JAKMIP3: variants seen among roughly 807,000 people sequenced by gnomAD.
JAKMIP3 encodes Janus kinase and microtubule interacting protein 3.
Under a neutral mutation model 118.5 loss-of-function variants are expected in JAKMIP3, and 58 were observed. The observed-to-expected ratio is 0.49, with a 90% CI of 0.40 to 0.61. JAKMIP3 has a LOEUF of 0.61. Among genes scored for constraint, JAKMIP3 ranks in the 20% least tolerant of loss-of-function variants. The probability of loss-of-function intolerance (pLI) is 0.00; values close to 1 mark genes in which losing one functional copy is unlikely to be tolerated. For missense variants in JAKMIP3, 950 were observed against 1,109.0 expected, an observed-to-expected ratio of 0.86 and a Z score of 2.04; for synonymous variants, 486 against 451.2, an observed-to-expected ratio of 1.08 and a Z score of -0.98.
intron 21 of JAKMIP3, among the ~76,000 whole-genome samples, chr10:132,166,290 C>T (rs2058891319): frequency 6.6e-6 from 1 of 152,172 alleles, no homozygotes; most frequent in African/African-American, 2.4e-5. Flanking sequence ...TACGTCACTG[C>T]ACTCCAGACT....
chr10:132,061,191 G>GGC (rs10675025), upstream of JAKMIP3, among the ~76,000 whole-genome samples: 62 of 107,010 alleles, frequency 5.8e-4, 1 homozygote, highest in Middle Eastern at 0.011. Context: ...CTGCCGTGAC[G>GGC]GCGCACACAC....
intron 3 of JAKMIP3, among the ~76,000 whole-genome samples, chr10:132,122,870 A>G (rs2135464346): frequency 6.6e-6 from 1 of 152,282 alleles, no homozygotes; most frequent in African/African-American, 2.4e-5. Flanking sequence ...CTGGGGTTAG[A>G]GCTGCTGCTT....
intron 1 of JAKMIP3, among the ~76,000 whole-genome samples, chr10:132,087,217 C>T (rs2042511608): frequency 6.6e-6 from 1 of 152,200 alleles, no homozygotes; most frequent in Non-Finnish European, 1.5e-5. Context: ...ACGGTTTCTG[C>T]TGAGAAATCT....
chr10:132,158,695 C>T (rs2057379131), intron 19 of JAKMIP3, among the ~76,000 whole-genome samples: 1 of 129,186 alleles, frequency 7.7e-6, no homozygotes. Flanking sequence ...GGGGCATCTT[C>T]CTGTGTGATG....
At chr10:132,037,241 A>G (rs1389618434) in intron 1 of JAKMIP3, among the ~76,000 whole-genome samples, 1 of 152,144 alleles carries the variant, frequency 6.6e-6, no homozygotes, top group Non-Finnish European at 1.5e-5. Context: ...CAGTTTTCCT[A>G]GAAAATATTC....
intron 1 of JAKMIP3, among the ~76,000 whole-genome samples, chr10:132,091,686 C>T (rs2043111741): frequency 6.6e-6 from 1 of 152,158 alleles, no homozygotes; most frequent in African/African-American, 2.4e-5. Context: ...AGATGGGTTT[C>T]CTGAATACAG....
intron 3 of JAKMIP3, among the ~76,000 whole-genome samples, chr10:132,126,815 T>G (rs1041866158): frequency 6.6e-6 from 1 of 152,234 alleles, no homozygotes; most frequent in African/African-American, 2.4e-5. Flanking sequence ...AAATAAGCAT[T>G]GTATTTTTGG....
rs2038033004 is a variant in JAKMIP3, at chr10:132,049,332, T to G, written c.-138+12594T>G. ...TGGGAGTGCTGCCCTCCTCCTCACC[T>G]TCCACTTCCTCCTCTTTCTTGCTGA... On this transcript the variant is annotated intron_variant, in intron 1 of 23. Transcript: ENST00000657785. This position sits in a 1 kb window ranked among gnomAD's most constrained non-coding sequence, Gnocchi z 4.3. Among the ~76,000 whole-genome samples the G allele has an allele frequency of 6.6e-6, 1 of 152,186 alleles. No homozygotes were observed. Among genetic ancestry groups the G allele is most frequent in the African/African-American group, 2.4e-5 (1 of 41,452 alleles).
chr10:132,150,041 T>C lies in JAKMIP3; in HGVS notation c.2007T>C (p.Ser669=), dbSNP rs370903149. 17 of 1,593,578 alleles carry C rather than the reference T, an allele frequency of 1.1e-5. No homozygotes were observed. The highest frequency in any genetic ancestry group is 1.4e-5 in the African/African-American group (1 of 71,862). ...KLDILGDNAV[S]NLTNEEQVVV... is the part of the protein sequence containing the mutation. ...ACATCCTGGGCGATAACGCCGTAAGTGTATGTCGCTCTCCTGGCTTGTGCA... is the reference window on the plus strand; with the variant it reads ...ACATCCTGGGCGATAACGCCGTAAGCGTATGTCGCTCTCCTGGCTTGTGCA... Residue 669 remains serine (S), a splice_region_variant and synonymous_variant, in exon 16 of 24, where the codon AGT becomes AGC. Transcript: ENST00000684848.
At chr10:132,130,729 C>G (rs2050404726) in intron 3 of JAKMIP3, among the ~76,000 whole-genome samples, 1 of 152,214 alleles carries the variant, frequency 6.6e-6, no homozygotes, top group East Asian at 1.9e-4. Context: ...GATGACGTGG[C>G]CTGTGTAGTG....
At chr10:132,073,800 T>C (rs2040355961) in intron 1 of JAKMIP3, among the ~76,000 whole-genome samples, 1 of 151,976 alleles carries the variant, frequency 6.6e-6, no homozygotes, top group Non-Finnish European at 1.5e-5. Flanking sequence ...ACCTGGCCTA[T>C]CTTTACTATT....
chr10:132,145,370 C>A (rs777104740), intron 12 of JAKMIP3, 148 bp from the exon 13 acceptor site: 1 of 915,382 alleles, frequency 1.1e-6, no homozygotes, highest in Non-Finnish European at 1.7e-6. Flanking sequence ...TGTGCCACCA[C>A]GCCCGGCTAA....
intron 6 of JAKMIP3, among the ~76,000 whole-genome samples, chr10:132,136,625 C>T (rs1300983688): frequency 1.3e-5 from 2 of 152,224 alleles, no homozygotes; most frequent in African/African-American, 2.4e-5. Flanking sequence ...CTCTCCTTAC[C>T]CCTCTCTATG....
chr10:132,105,996 G>T (rs1475046760), intron 2 of JAKMIP3, among the ~76,000 whole-genome samples: 1 of 142,198 alleles, frequency 7.0e-6, no homozygotes, highest in African/African-American at 2.7e-5. Flanking sequence ...AAAAGAAGAA[G>T]AATGTTTCGT....
At chr10:132,133,919 G>A (rs748306077) in intron 4 of JAKMIP3, among the ~76,000 whole-genome samples, 9 of 152,222 alleles carry the variant, frequency 5.9e-5, no homozygotes, top group East Asian at 1.9e-4. Context: ...CCTCTGGCCC[G>A]GGAAGGCTGG....
Position 132,163,425 on chromosome 10 carries a change from C to A in JAKMIP3, c.2424+13C>A, listed in dbSNP as rs367982728. 2 of 1,585,894 alleles carry A rather than the reference C, an allele frequency of 1.3e-6. No individual in the cohort carries two copies. Among genetic ancestry groups the A allele is most frequent in the Non-Finnish European group, 1.7e-6 (2 of 1,173,342 alleles). On this transcript the variant is annotated intron_variant, in intron 20 of 23. Transcript: ENST00000684848. Reference sequence around the variant, plus strand: ...GCTGGCTCAGCAGGTGTGTGGCAGGCGGGGGCAGGGCTGGCGTGAAGACCT... The same window carrying A: ...GCTGGCTCAGCAGGTGTGTGGCAGGAGGGGGCAGGGCTGGCGTGAAGACCT...
chr10:132,104,723 C>T lies in JAKMIP3; in HGVS notation c.-86C>T, dbSNP rs2045638068. The T allele has an allele frequency of 7.3e-7, 1 of 1,378,252 alleles. No homozygotes were observed. The allele number at this position is 1,378,252 out of a possible 1,614,324, so 85.4% of individuals were successfully genotyped here. On this transcript the variant is annotated 5_prime_UTR_variant, in exon 2 of 24. Transcript: ENST00000684848. ...CAGCCCGGGTGACACCTGCTGGGAGCTTGGCGTGGACACCCCAGCCACCCC... is the reference window on the plus strand; with the variant it reads ...CAGCCCGGGTGACACCTGCTGGGAGTTTGGCGTGGACACCCCAGCCACCCC...
intron 1 of JAKMIP3, among the ~76,000 whole-genome samples, chr10:132,069,085 A>C (rs919372421): frequency 6.6e-6 from 1 of 152,020 alleles, no homozygotes; most frequent in Non-Finnish European, 1.5e-5. Flanking sequence ...GTAAGGAGGA[A>C]TCCTACCCAG....
At chr10:132,074,636 GT>G (rs752177051) in intron 1 of JAKMIP3, among the ~76,000 whole-genome samples, 124 of 152,196 alleles carry the variant, frequency 8.1e-4, no homozygotes, top group Non-Finnish European at 1.0e-3. Flanking sequence ...TAGATTGTCT[GT>G]CTACTCTGTC....
Sources: allele counts gnomAD v4.1 joint callset (sites outside exome capture counted in the v4.1 genomes callset), GRCh38; gene constraint gnomAD v4.1.1; non-coding constraint Gnocchi (gnomAD v3.1); transcripts MANE v1.5; gene names NCBI Gene and HGNC (gene_info 2026-07-23, HGNC 2026-07-21).